The following TCF4 variants were observed in gnomAD, a reference collection of about 807,000 sequenced individuals.
TCF4 encodes the protein transcription factor 4.
In TCF4, 3 loss-of-function variants were observed where a neutral mutation model predicts 82.1. The observed-to-expected ratio is 0.04, with a 90% CI of 0.02 to 0.09. TCF4 has a LOEUF of 0.09. Ranked by LOEUF, TCF4 falls within the 10% of genes least tolerant of loss-of-function variation. The pLI is 1.00. For missense variants in TCF4, 518 were observed against 852.7 expected (o/e 0.61, Z 4.89); for synonymous variants, 276 against 309.6 (o/e 0.89, Z 1.14).
At chr18:55,517,639 C>T (rs1414729939) in intron 3 of TCF4, among the ~76,000 whole-genome samples, 1 of 152,092 alleles carries the variant, frequency 6.6e-6, no homozygotes, top group Non-Finnish European at 1.5e-5. Flanking sequence ...GAATAATTCC[C>T]TAGAGGTTAA....
At chr18:55,553,407 T>C (rs1477272457) in intron 3 of TCF4, 3 of 152,162 alleles carry the variant, frequency 2.0e-5, no homozygotes, top group South Asian at 2.1e-4. Context: ...TGCTTTAAAA[T>C]TGGGATTTCC....
At chr18:55,396,582 G>C (rs1451046614) in intron 6 of TCF4, among the ~76,000 whole-genome samples, 1 of 152,070 alleles carries the variant, frequency 6.6e-6, no homozygotes, top group Non-Finnish European at 1.5e-5. Context: ...TTATAGAGTG[G>C]CAATATGAGA....
At chr18:55,355,630 C>CT (rs1436002664) in intron 6 of TCF4, among the ~76,000 whole-genome samples, 3 of 152,280 alleles carry the variant, frequency 2.0e-5, no homozygotes, top group Non-Finnish European at 4.4e-5. Context: ...TTTGGACAGT[C>CT]TTCTTTCCTG....
intron 3 of TCF4, among the ~76,000 whole-genome samples, chr18:55,488,328 A>G (rs1214405600): frequency 6.6e-6 from 1 of 152,208 alleles, no homozygotes; most frequent in East Asian, 1.9e-4. Context: ...AGATGTATAC[A>G]TTTTAAAACA....
rs572247271 is a variant in TCF4, at chr18:55,602,633, A to T, written c.287-15497T>A. Among the ~76,000 whole-genome samples, 72 of 152,332 alleles carry T rather than the reference A, an allele frequency of 4.7e-4. 1 individual carries two copies. The highest frequency in any genetic ancestry group is 1.6e-3 in the African/African-American group (68 of 41,576). ...GCATTGGCAAGTTCACATTACATCC[A>T]CGGGCCATTACCATCAATAATTGAG... On this transcript the variant is annotated intron_variant, in intron 2 of 20. Coordinates refer to the TCF4 transcript ENST00000398339.
chr18:55,350,261 T>C (rs538713682), intron 8 of TCF4, 98 bp downstream of exon 8: 2 of 1,290,840 alleles, frequency 1.5e-6, no homozygotes, highest in East Asian at 4.8e-5. Flanking sequence ...AACGTGCTGC[T>C]CTGGGCGCAT....
At chr18:55,608,427 C>T (rs2097704191) in intron 2 of TCF4, among the ~76,000 whole-genome samples, 1 of 146,460 alleles carries the variant, frequency 6.8e-6, no homozygotes, top group Non-Finnish European at 1.5e-5. Context: ...GTCAAAATGC[C>T]ATCTTGGAAA....
intron 8 of TCF4, 89 bp downstream of exon 8, chr18:55,350,270 A>G: frequency 7.2e-7 from 1 of 1,393,668 alleles, no homozygotes; most frequent in South Asian, 1.2e-5. Context: ...CTCTGGGCGC[A>G]TGGAAACTCA....
chr18:55,587,886 G>A (rs2097666804), intron 1 of TCF4, among the ~76,000 whole-genome samples, 152 bp downstream of exon 1: 1 of 147,006 alleles, frequency 6.8e-6, no homozygotes, highest in Non-Finnish European at 1.5e-5. Context: ...GGAGGGAAGC[G>A]GCGGGAGGGG....
intron 3 of TCF4, among the ~76,000 whole-genome samples, chr18:55,485,357 T>C (rs926804879): frequency 3.3e-5 from 5 of 152,224 alleles, no homozygotes; most frequent in African/African-American, 9.6e-5. Flanking sequence ...AGTAGGTTTA[T>C]GAACTTACTG....
chr18:55,407,893 C>T (rs1176409468), intron 5 of TCF4, among the ~76,000 whole-genome samples: 3 of 152,022 alleles, frequency 2.0e-5, no homozygotes, highest in East Asian at 1.9e-4. Context: ...GAAAATATTA[C>T]ATGAAGGGAA....
intron 6 of TCF4, among the ~76,000 whole-genome samples, chr18:55,389,891 G>C (rs2092928842): frequency 6.6e-6 from 1 of 151,920 alleles, no homozygotes; most frequent in Non-Finnish European, 1.5e-5. Flanking sequence ...AAGCAGAATT[G>C]ATGAGATCTG....
intron 8 of TCF4, among the ~76,000 whole-genome samples, chr18:55,304,917 T>C (rs1230602006): frequency 6.6e-6 from 1 of 152,138 alleles, no homozygotes; most frequent in African/African-American, 2.4e-5. Context: ...GTTTCAATGA[T>C]AAACCAATAA....
intron 3 of TCF4, among the ~76,000 whole-genome samples, chr18:55,491,999 T>C (rs980579035): frequency 6.6e-6 from 1 of 152,192 alleles, no homozygotes; most frequent in Non-Finnish European, 1.5e-5. Context: ...ACTCAGAACT[T>C]GTTAAACATT....
At position 55,225,764 on chromosome 18, in the gene TCF4, T is replaced by C. The variant is rs2046510809; in HGVS notation, c.*2271A>G. The stretch of plus-strand genomic sequence containing the variant: ...AAATAACTTTTCATGAAGTTTGATT[T>C]CTGCTATTCTCCTAAGGTTTTAATC... On this transcript the variant is annotated 3_prime_UTR_variant, in exon 20 of 20. Coordinates refer to ENST00000354452, the MANE Select transcript of TCF4 (RefSeq NM_001083962.2). 1 of 152,626 alleles carries C rather than the reference T, an allele frequency of 6.6e-6. No homozygotes were observed. 9.5% of individuals were successfully genotyped at this position (152,626 alleles called of 1,614,324 possible).
chr18:55,506,864 T>C (rs2096766895), intron 3 of TCF4, among the ~76,000 whole-genome samples: 3 of 151,946 alleles, frequency 2.0e-5, no homozygotes, highest in African/African-American at 7.3e-5. Flanking sequence ...TTCTTTTTTT[T>C]TTCTTTTTTT....
At chr18:55,540,629 G>C (rs1004819695) in intron 3 of TCF4, among the ~76,000 whole-genome samples, 1 of 151,982 alleles carries the variant, frequency 6.6e-6, no homozygotes, top group Non-Finnish European at 1.5e-5. Flanking sequence ...TATAAACTTA[G>C]TATTCTTCAT....
intron 8 of TCF4, among the ~76,000 whole-genome samples, chr18:55,342,171 A>G (rs530627862): frequency 6.6e-6 from 1 of 152,294 alleles, no homozygotes; most frequent in South Asian, 2.1e-4. Context: ...TATTGGGTGA[A>G]GTTACTGATA....
intron 2 of TCF4, among the ~76,000 whole-genome samples, chr18:55,612,702 C>A (rs1341995379): frequency 6.6e-6 from 1 of 152,100 alleles, no homozygotes; most frequent in African/African-American, 2.4e-5. Flanking sequence ...AATCCCAGCG[C>A]TATGGGAGGC....
Sources: gnomAD v4.1 joint callset for allele counts (sites outside exome capture counted in the v4.1 genomes callset) on GRCh38, gnomAD v4.1.1 for gene constraint, MANE v1.5 for transcripts, NCBI Gene and HGNC (gene_info 2026-07-23, HGNC 2026-07-21) for gene names.